ABCB9: variants seen among roughly 807,000 people sequenced by gnomAD.
ABCB9 encodes ABC-type oligopeptide transporter ABCB9.
ABCB9 carries 36 observed loss-of-function variants against 62.0 expected under a neutral mutation model. That is an observed-to-expected ratio of 0.58 (90% CI 0.45 to 0.77). The LOEUF (loss-of-function observed/expected upper bound fraction) is 0.77. Among genes scored for constraint, ABCB9 ranks in the 30% least tolerant of loss-of-function variants. ABCB9 has a pLI of 0.00. For missense variants in ABCB9, 943 were observed against 1,054.7 expected, an observed-to-expected ratio of 0.89 and a Z score of 1.47; for synonymous variants, 435 against 461.4, an observed-to-expected ratio of 0.94 and a Z score of 0.73.
chr12:122,961,004 C>T (rs566438964), intron 1 of ABCB9, among the ~76,000 whole-genome samples: 17 of 151,654 alleles, frequency 1.1e-4, no homozygotes, highest in African/African-American at 4.1e-4. Context: ...TTCGAGGCCA[C>T]AGTGAGCTAT....
At chr12:122,920,696 G>A (rs1369861243), downstream of ABCB9, among the ~76,000 whole-genome samples, 2 of 151,970 alleles carry the variant, frequency 1.3e-5, no homozygotes, top group South Asian at 2.1e-4. Flanking sequence ...CTTGAGGTCA[G>A]GACTTTGAGA....
chr12:122,967,420 G>T (rs2037209632), upstream of ABCB9, among the ~76,000 whole-genome samples: 1 of 152,236 alleles, frequency 6.6e-6, no homozygotes, highest in South Asian at 2.1e-4. Context: ...ACCGTGGGAA[G>T]TGGGTGGGGG....
chr12:122,933,147 C>T (rs1237782714), intron 10 of ABCB9, among the ~76,000 whole-genome samples: 1 of 152,198 alleles, frequency 6.6e-6, no homozygotes, highest in Non-Finnish European at 1.5e-5. Context: ...CTTGCCTTGG[C>T]CTCCAAAGTG....
At position 122,959,663 on chromosome 12, in the gene ABCB9, G is replaced by A. The variant is rs761656650; in HGVS notation, c.573C>T (p.Ala191=). The change falls in exon 2 of 12, where the codon GCC becomes GCT. Residue 191 remains alanine, a synonymous_variant. Transcript: ENST00000280560. The surrounding 1 kb of genome is among the most constrained non-coding windows in gnomAD (Gnocchi z 5.4). ...GAGCTGCCACGATGAGGAAGAAGGA[G>A]GCGGCCACGAGGAAGGCCACGTCGG... ...TKPDVAFLVA[A]SFFLIVAALG... 3.8e-6 allele frequency: 6 copies of A among 1,573,376 alleles called. No homozygotes were observed. Among genetic ancestry groups the A allele is most frequent in the Non-Finnish European group, 5.2e-6 (6 of 1,154,620 alleles).
chr12:122,969,623 G>A (rs560177044), upstream of ABCB9, among the ~76,000 whole-genome samples: 7 of 152,060 alleles, frequency 4.6e-5, no homozygotes, highest in South Asian at 1.5e-3. Context: ...TGTAGTCCCA[G>A]CTACTCAGGA....
In ABCB9 at chr12:122,932,404, C is replaced by A; in HGVS notation, c.1904-76G>T. 1 of 1,483,292 alleles carries A rather than the reference C, an allele frequency of 6.7e-7. No individual in the cohort carries two copies. Among genetic ancestry groups the A allele is most frequent in the Non-Finnish European group, 9.0e-7 (1 of 1,110,974 alleles). 91.9% of individuals were successfully genotyped at this position (1,483,292 alleles called of 1,614,324 possible). ...CACCGGGGAAGAGTGAGAGGCCCTG[C>A]CCTGCAGCTGTGGAAAGGGCGGGCT... On this transcript the variant is annotated intron_variant, in intron 10 of 11. Transcript: ENST00000280560. The surrounding 1 kb of genome is among the most constrained non-coding windows in gnomAD (Gnocchi z 4.7).
At chr12:122,958,719 G>A (rs985475039) in intron 2 of ABCB9, among the ~76,000 whole-genome samples, 7 of 151,964 alleles carry the variant, frequency 4.6e-5, no homozygotes, top group African/African-American at 1.7e-4. Flanking sequence ...GCACGCCCCT[G>A]TAGTCCCAGC....
chr12:122,968,318 C>A (rs1308397886), upstream of ABCB9, among the ~76,000 whole-genome samples: 2 of 152,122 alleles, frequency 1.3e-5, no homozygotes, highest in African/African-American at 4.8e-5. Flanking sequence ...CCTATCTGAG[C>A]CTGTTTTCTC....
chr12:122,935,200 C>T (rs939444090), intron 10 of ABCB9, 72 bp downstream of exon 10: 5 of 1,469,852 alleles, frequency 3.4e-6, no homozygotes, highest in Non-Finnish European at 4.5e-6. Flanking sequence ...GGGGGCAGTG[C>T]TTAACTCAGA....
upstream of ABCB9, among the ~76,000 whole-genome samples, chr12:122,971,407 TCAAAAACAAA>T (rs906530001): frequency 7.5e-6 from 1 of 133,842 alleles, no homozygotes; most frequent in Admixed American, 7.3e-5. Context: ...AAAAAAAAAA[TCAAAAACAAA>T]CAAAAACAAC....
At position 122,944,379 on chromosome 12, in the gene ABCB9, C is replaced by A. The variant is rs780914953; in HGVS notation, c.1380+12G>T. On this transcript the variant is annotated intron_variant, in intron 7 of 11. Transcript: ENST00000280560. This position sits in a 1 kb window ranked among gnomAD's most constrained non-coding sequence, Gnocchi z 4.9. ...CCTTCTCTCTGGATCCCCGGACACA[C>A]TGGCCTCTCACCTCCATACAATCTC... 6.2e-7 allele frequency: 1 copy of A among 1,609,916 alleles called. No individual in the cohort carries two copies. The highest frequency in any genetic ancestry group is 1.3e-5 in the African/African-American group (1 of 74,822).
rs139920622 is a variant in ABCB9, at chr12:122,960,231, C to T, written c.5G>A (p.Arg2Gln). The T allele has an allele frequency of 7.4e-5, 119 of 1,610,422 alleles. No individual in the cohort carries two copies. The highest frequency in any genetic ancestry group is 9.2e-5 in the Non-Finnish European group (108 of 1,177,842). Residue 2 changes from arginine to glutamine, a missense_variant, in exon 2 of 12, where the codon CGG (arginine) becomes CAG (glutamine). Physicochemically the swap from Arg to Gln is conservative, Grantham distance 43. Coordinates refer to ENST00000280560, the MANE Select transcript of ABCB9 (RefSeq NM_019625.4). Reference sequence around the variant, plus strand: ...AGTCACCACCACCGCCTTCCACAGCCGCATCCTGCTGGTTGGAGGTGGGCG... The same window carrying T: ...AGTCACCACCACCGCCTTCCACAGCTGCATCCTGCTGGTTGGAGGTGGGCG... M[R>Q]LWKAVVVTLA...
In ABCB9 at chr12:122,944,548, C is replaced by T. The variant is rs747954858; in HGVS notation, c.1252-29G>A. 80 of 1,610,722 alleles carry T rather than the reference C, an allele frequency of 5.0e-5. No homozygotes were observed. The highest frequency in any genetic ancestry group is 4.0e-5 in the Non-Finnish European group (47 of 1,178,294). On this transcript the variant is annotated intron_variant, in intron 6 of 11. Transcript: ENST00000280560. The surrounding 1 kb of genome is among the most constrained non-coding windows in gnomAD (Gnocchi z 4.9). ...GGGCAGAGGGAGAGGGGATGTGGGTCGAGGGGACCTTAGATCCCCCACCAT... is the reference window on the plus strand; with the variant it reads ...GGGCAGAGGGAGAGGGGATGTGGGTTGAGGGGACCTTAGATCCCCCACCAT...
intron 2 of ABCB9, among the ~76,000 whole-genome samples, chr12:122,954,505 T>C (rs985463656): frequency 3.9e-5 from 6 of 151,966 alleles, no homozygotes; most frequent in African/African-American, 1.5e-4. Context: ...CTATTTTTTA[T>C]TTTTTGAGAC....
intron 11 of ABCB9, among the ~76,000 whole-genome samples, chr12:122,923,005 T>C (rs1593950619): frequency 1.3e-5 from 2 of 152,108 alleles, no homozygotes; most frequent in East Asian, 3.9e-4. Context: ...AGATGGGGTC[T>C]CACTATGTTG....
rs2035682633 is a variant in ABCB9 at position 122,940,219 on chromosome 12, C to T, written c.1635G>A (p.Lys545=). ...TCTCCAGGATGTTGACACAGGAGCT[C>T]TTCCCACTGCCCGAGGGCCCCACCA... is the stretch of plus-strand genomic sequence containing the variant. ...TALVGPSGSG[K]SSCVNILENF... Residue 545 remains lysine, a synonymous_variant, in exon 9 of 12, where the codon AAG becomes AAA. Transcript: ENST00000280560. This position sits in a 1 kb window ranked among gnomAD's most constrained non-coding sequence, Gnocchi z 4.8. 1 of 1,612,886 alleles carries T rather than the reference C, an allele frequency of 6.2e-7. No individual in the cohort carries two copies. Among genetic ancestry groups the T allele is most frequent in the Non-Finnish European group, 8.5e-7 (1 of 1,179,282 alleles).
intron 11 of ABCB9, among the ~76,000 whole-genome samples, chr12:122,923,888 T>C (rs997272344): frequency 2.0e-5 from 3 of 152,186 alleles, no homozygotes; most frequent in African/African-American, 7.2e-5. Flanking sequence ...CTTTTGAACC[T>C]GCCGACACAG....
chr12:122,954,485 C>T (rs1415525994), intron 2 of ABCB9, among the ~76,000 whole-genome samples: 2 of 151,872 alleles, frequency 1.3e-5, no homozygotes, highest in African/African-American at 2.4e-5. Context: ...TGTGAGCCAC[C>T]GTGCCCGGCC....
downstream of ABCB9, among the ~76,000 whole-genome samples, chr12:122,919,877 G>GTTTATTTATTT (rs1566142548): frequency 1.6e-5 from 2 of 121,780 alleles, no homozygotes; most frequent in African/African-American, 7.3e-5. Context: ...TCATCTGTTT[G>GTTTATTTATTT]TTTGTTTATT....
Sources: allele counts gnomAD v4.1 joint callset (sites outside exome capture counted in the v4.1 genomes callset), GRCh38; gene constraint gnomAD v4.1.1; non-coding constraint Gnocchi (gnomAD v3.1); transcripts MANE v1.5; gene names NCBI Gene and HGNC (gene_info 2026-07-23, HGNC 2026-07-21).